GNB1: variants seen among roughly 807,000 people sequenced by gnomAD.
The protein encoded by GNB1 is G protein subunit beta 1, also known as guanine nucleotide-binding protein G(I)/G(S)/G(T) subunit beta-1.
A neutral mutation model predicts 42.9 loss-of-function variants in GNB1; 2 were observed. That is an observed-to-expected ratio of 0.05 (90% CI 0.02 to 0.15). GNB1 has a LOEUF of 0.15. Ranked by LOEUF, GNB1 falls within the 10% of genes least tolerant of loss-of-function variation. The pLI, the probability that GNB1 is intolerant of heterozygous loss-of-function variation, is 1.00. For missense variants in GNB1, 193 were observed against 462.2 expected (o/e 0.42, Z 5.34); for synonymous variants, 183 against 174.7 (o/e 1.05, Z -0.38).
At chr1:1,825,312 T>C (rs1646981879) in intron 3 of GNB1, 85 bp downstream of exon 3, 1 of 912,926 alleles carries the variant, frequency 1.1e-6, no homozygotes, top group African/African-American at 1.6e-5. Flanking sequence ...GAACAAGTCA[T>C]CCTGTAAACC....
At chr1:1,883,887 T>A (rs1241626352) in intron 1 of GNB1, among the ~76,000 whole-genome samples, 1 of 152,192 alleles carries the variant, frequency 6.6e-6, no homozygotes, top group Non-Finnish European at 1.5e-5. Flanking sequence ...TTAGGAATTA[T>A]TTTAAAATTC....
chr1:1,882,740 G>C (rs897422400), intron 1 of GNB1, among the ~76,000 whole-genome samples: 2 of 152,070 alleles, frequency 1.3e-5, no homozygotes, highest in African/African-American at 4.8e-5. Flanking sequence ...GGCCAATATG[G>C]TGAAACCCTG....
At chr1:1,838,408 T>G (rs1412315775) in intron 2 of GNB1, among the ~76,000 whole-genome samples, 1 of 152,126 alleles carries the variant, frequency 6.6e-6, no homozygotes, top group Non-Finnish European at 1.5e-5. Flanking sequence ...TTGTTTTGTT[T>G]TGTTTTCCTG....
intron 3 of GNB1, among the ~76,000 whole-genome samples, chr1:1,824,803 A>C (rs1465716779): frequency 6.6e-6 from 1 of 151,876 alleles, no homozygotes; most frequent in Non-Finnish European, 1.5e-5. Context: ...CGAACTCCCG[A>C]CCTCAGGTGA....
At chr1:1,858,949 A>G (rs1192972519) in intron 1 of GNB1, among the ~76,000 whole-genome samples, 2 of 152,226 alleles carry the variant, frequency 1.3e-5, no homozygotes, top group African/African-American at 2.4e-5. Context: ...AAGTTTGAGA[A>G]GCTGTACAAC....
chr1:1,806,139 T>C (rs539405690), intron 6 of GNB1, among the ~76,000 whole-genome samples: 87 of 152,222 alleles, frequency 5.7e-4, no homozygotes, highest in Non-Finnish European at 1.1e-3. Context: ...TGAAAAGTGA[T>C]ACTTCTGCAC....
At chr1:1,876,100 C>A (rs562531617) in intron 1 of GNB1, among the ~76,000 whole-genome samples, 1 of 152,260 alleles carries the variant, frequency 6.6e-6, no homozygotes, top group South Asian at 2.1e-4. Context: ...TCCCTTGGAG[C>A]CTTCAGAAGC....
intron 1 of GNB1, among the ~76,000 whole-genome samples, chr1:1,866,887 G>A (rs1648971401): frequency 6.6e-6 from 1 of 152,046 alleles, no homozygotes; most frequent in African/African-American, 2.4e-5. Flanking sequence ...CCGGGAGGCG[G>A]AGCTTGCAGT....
chr1:1,844,083 T>C (rs1391573037), intron 1 of GNB1, among the ~76,000 whole-genome samples: 1 of 151,810 alleles, frequency 6.6e-6, no homozygotes, highest in Non-Finnish European at 1.5e-5. Context: ...TAGTCCCAGC[T>C]ACTTGGGAGG....
At chr1:1,827,356 G>A (rs990488456) in intron 2 of GNB1, among the ~76,000 whole-genome samples, 6 of 152,126 alleles carry the variant, frequency 3.9e-5, no homozygotes, top group Admixed American at 6.5e-5. Flanking sequence ...ACAGCAACAC[G>A]GTGTCAGAAA....
At chr1:1,871,583 C>G (rs1033656380) in intron 1 of GNB1, among the ~76,000 whole-genome samples, 2 of 152,124 alleles carry the variant, frequency 1.3e-5, no homozygotes, top group Non-Finnish European at 2.9e-5. Flanking sequence ...TTTTAATAAC[C>G]CCTCCACCGA....
intron 1 of GNB1, among the ~76,000 whole-genome samples, chr1:1,869,713 G>A (rs181791001): frequency 1.4e-4 from 22 of 152,110 alleles, no homozygotes; most frequent in East Asian, 7.7e-4. Context: ...TCCCAACCCC[G>A]AAAGAAAGTC....
At chr1:1,808,400 T>C (rs1646731229) in intron 5 of GNB1, among the ~76,000 whole-genome samples, 1 of 152,076 alleles carries the variant, frequency 6.6e-6, no homozygotes, top group Admixed American at 6.6e-5. Context: ...AAGGAGAATA[T>C]GAATAAGGAG....
rs918342997 is a variant in GNB1 at position 1,891,005 on chromosome 1, G to C, written c.-281C>G. 1.8e-4 allele frequency: 27 copies of C among 151,814 alleles called. No individual in the cohort carries two copies. Among genetic ancestry groups the C allele is most frequent in the Non-Finnish European group, 3.6e-4 (25 of 69,400 alleles). 9.4% of individuals were successfully genotyped at this position (151,814 alleles called of 1,614,324 possible). A position where few individuals can be genotyped will look rare whatever the true frequency, so the allele number is the denominator to read the frequency against. On this transcript the variant is annotated 5_prime_UTR_variant, in exon 1 of 12. Coordinates refer to ENST00000378609, the MANE Select transcript of GNB1 (RefSeq NM_002074.5). ...CGGCCCCGCTCCCCACTCGCCGCCC[G>C]CTCCCGCTCCCGCCGCCGCCGCCGC...
At chr1:1,880,422 A>G (rs1007969329) in intron 1 of GNB1, among the ~76,000 whole-genome samples, 1 of 151,834 alleles carries the variant, frequency 6.6e-6, no homozygotes, top group Non-Finnish European at 1.5e-5. Flanking sequence ...CCCCGCCTCT[A>G]CTAAAAATAC....
chr1:1,862,066 C>CA (rs1337516784), intron 1 of GNB1, among the ~76,000 whole-genome samples: 14 of 150,404 alleles, frequency 9.3e-5, no homozygotes, highest in African/African-American at 2.0e-4. Context: ...GACTCCATCT[C>CA]AAAAAAAAAG....
At chr1:1,890,669 G>GC (rs1449446265) in intron 1 of GNB1, among the ~76,000 whole-genome samples, 151 bp downstream of exon 1, 10 of 147,610 alleles carry the variant, frequency 6.8e-5, no homozygotes, top group Non-Finnish European at 1.2e-4. Context: ...CCAGCCCCCG[G>GC]CCCCCCCTTC....
In GNB1 at chr1:1,880,592, A is replaced by T. The variant is rs547975381; in HGVS notation, c.-96+10228T>A. Among the ~76,000 whole-genome samples, 439 of 151,384 alleles carry T rather than the reference A, an allele frequency of 2.9e-3. 2 individuals carry two copies. Among genetic ancestry groups the T allele is most frequent in the South Asian group, 0.016 (76 of 4,790 alleles). ...CAGAGAGAGACTCCATCTCAAAAAAAAAATATATATATATATGATGATGAA... is the reference window on the plus strand; with the variant it reads ...CAGAGAGAGACTCCATCTCAAAAAATAAATATATATATATATGATGATGAA... On this transcript the variant is annotated intron_variant, in intron 1 of 11. Coordinates refer to ENST00000378609, the MANE Select transcript of GNB1 (RefSeq NM_002074.5).
At chr1:1,797,651 G>A (rs982902925) in intron 7 of GNB1, among the ~76,000 whole-genome samples, 21 of 152,198 alleles carry the variant, frequency 1.4e-4, no homozygotes, top group African/African-American at 5.1e-4. Context: ...TTGGCAGGCT[G>A]GTCTTGCACT....
Sources: allele counts gnomAD v4.1 joint callset (sites outside exome capture counted in the v4.1 genomes callset), GRCh38; gene constraint gnomAD v4.1.1; transcripts MANE v1.5; gene names NCBI Gene and HGNC (gene_info 2026-07-23, HGNC 2026-07-21).